The following PNPLA7 variants were observed in gnomAD, a reference collection of about 807,000 sequenced individuals.
The protein encoded by PNPLA7 is patatin like domain 7, lysophospholipase.
In PNPLA7, 153 loss-of-function variants were observed where a neutral mutation model predicts 161.7. That is an observed-to-expected ratio of 0.95 (90% CI 0.83 to 1.08). The LOEUF is 1.08. PNPLA7 is among the 50% of genes least tolerant of loss of function. PNPLA7 has a pLI of 0.00. For synonymous variants in PNPLA7, 809 were observed against 782.1 expected, an observed-to-expected ratio of 1.03 and a Z score of -0.57; for missense variants, 1,739 against 1,856.6, an observed-to-expected ratio of 0.94 and a Z score of 1.16.
intron 12 of PNPLA7, among the ~76,000 whole-genome samples, chr9:137,511,914 C>G (rs1588646317): frequency 6.6e-6 from 1 of 152,190 alleles, no homozygotes; most frequent in Non-Finnish European, 1.5e-5. Flanking sequence ...CCCCCTGTCA[C>G]GTGGACAGGT....
chr9:137,510,329 C>A (rs1414385879), intron 12 of PNPLA7, among the ~76,000 whole-genome samples: 1 of 152,198 alleles, frequency 6.6e-6, no homozygotes, highest in Non-Finnish European at 1.5e-5. Context: ...TCAGTGGTCA[C>A]GCTCCTAGTC....
intron 24 of PNPLA7, 46 bp from the exon 25 acceptor site, chr9:137,478,198 C>T (rs1455249472): frequency 1.1e-5 from 14 of 1,236,544 alleles, no homozygotes; most frequent in South Asian, 3.2e-5. Flanking sequence ...GCCCCACCCT[C>T]GGCCGAGACC....
At chr9:137,530,020 A>C (rs1253645893) in intron 8 of PNPLA7, among the ~76,000 whole-genome samples, 1 of 151,100 alleles carries the variant, frequency 6.6e-6, no homozygotes, top group African/African-American at 2.4e-5. Flanking sequence ...GCTGTGGTGC[A>C]GTGGCATGAT....
At chr9:137,503,835 GCAA>G (rs749096760) in intron 14 of PNPLA7, among the ~76,000 whole-genome samples, 11 of 10,044 alleles carry the variant, frequency 1.1e-3, no homozygotes, top group East Asian at 2.9e-3. Flanking sequence ...GAAGAAAGAA[GCAA>G]GAAGAAGAAG....
Position 137,541,367 on chromosome 9 carries a change from C to T in PNPLA7, c.667-645G>A. 2.1e-6 allele frequency: 2 copies of T among 963,460 alleles called. No individual in the cohort carries two copies. The highest frequency in any genetic ancestry group is 2.5e-6 in the Non-Finnish European group (2 of 809,938). The allele number at this position is 963,460 out of a possible 1,614,324, so 59.7% of individuals were successfully genotyped here. On this transcript the variant is annotated intron_variant, in intron 7 of 34. Transcript: ENST00000406427. This position sits in a 1 kb window ranked among gnomAD's most constrained non-coding sequence, Gnocchi z 4.4. ...ACTGGCTCCAGCTTCCCCCAAGCCC[C>T]TTTCCCTTCTAATAACCCATCAAGT... is the stretch of plus-strand genomic sequence containing the variant.
intron 10 of PNPLA7, 125 bp downstream of exon 10, chr9:137,521,511 G>A (rs1413127568): frequency 2.3e-6 from 2 of 876,254 alleles, no homozygotes; most frequent in Admixed American, 2.6e-5. Flanking sequence ...CCAGCAACTG[G>A]GAAGACCACA....
chr9:137,534,669 G>C (rs867224230), intron 8 of PNPLA7, among the ~76,000 whole-genome samples: 6 of 152,222 alleles, frequency 3.9e-5, no homozygotes, highest in Non-Finnish European at 8.8e-5. Context: ...CCCTGTTAAC[G>C]AGCCCTGACC....
At position 137,462,262 on chromosome 9, in the gene PNPLA7, TCAC is replaced by T. The variant is rs1831248956; in HGVS notation, c.3559_3561del (p.Val1187del). 6.2e-7 allele frequency: 1 copy of T among 1,611,808 alleles called. No individual in the cohort carries two copies. The highest frequency in any genetic ancestry group is 1.1e-5 in the South Asian group (1 of 90,974). On this transcript the variant is annotated inframe_deletion, in exon 31 of 35. Coordinates refer to ENST00000406427, the MANE Select transcript of PNPLA7 (RefSeq NM_001098537.3). ...AGGTACTCGCAGTAGTCACTGCTCT[TCAC>T]CACCTCCAGCTGCCGCACGCAACAC...
chr9:137,507,253 G>T (rs907799845), intron 12 of PNPLA7, among the ~76,000 whole-genome samples: 5 of 152,236 alleles, frequency 3.3e-5, no homozygotes, highest in Admixed American at 3.3e-4. Flanking sequence ...GGCAACAAAG[G>T]TCACCAGTGC....
chr9:137,461,288 T>G, intron 33 of PNPLA7: 1 of 473,788 alleles, frequency 2.1e-6, no homozygotes, highest in Admixed American at 3.5e-5. Flanking sequence ...AGGCCTGAGG[T>G]GTGGCTGGGA....
chr9:137,522,523 G>A (rs528908551), intron 9 of PNPLA7, among the ~76,000 whole-genome samples: 6 of 152,314 alleles, frequency 3.9e-5, no homozygotes, highest in South Asian at 2.1e-4. Flanking sequence ...CATTATTCCC[G>A]AACCCACTCA....
Position 137,486,011 on chromosome 9 carries a change from C to G in PNPLA7, c.2198-1275G>C, listed in dbSNP as rs980230603. ...CCTGAGGCCACCGCGCCACCAGCCA[C>G]GCTCCTGCCCACGAGGGTCTCCTGC... On this transcript the variant is annotated intron_variant, in intron 20 of 34. Coordinates refer to ENST00000406427, the MANE Select transcript of PNPLA7 (RefSeq NM_001098537.3). This position sits in a 1 kb window ranked among gnomAD's most constrained non-coding sequence, Gnocchi z 6.0. Among the ~76,000 whole-genome samples, 1 of 152,006 alleles carries G rather than the reference C, an allele frequency of 6.6e-6. No homozygotes were observed.
intron 19 of PNPLA7, 56 bp downstream of exon 19, chr9:137,494,977 C>T (rs1239892268): frequency 1.4e-6 from 2 of 1,464,150 alleles, no homozygotes; most frequent in African/African-American, 1.4e-5. Context: ...CTGTTCCATG[C>T]CCTCATCCAC....
intron 25 of PNPLA7, among the ~76,000 whole-genome samples, chr9:137,471,734 C>T (rs1443658435): frequency 6.6e-6 from 1 of 151,892 alleles, no homozygotes; most frequent in African/African-American, 2.4e-5. Context: ...CTACAGAAGG[C>T]CTAAGTACAT....
intron 25 of PNPLA7, among the ~76,000 whole-genome samples, chr9:137,469,840 A>G (rs1831634403): frequency 6.6e-6 from 1 of 152,180 alleles, no homozygotes; most frequent in African/African-American, 2.4e-5. Flanking sequence ...ATGAACAGGA[A>G]AGAAAATGGG....
intron 9 of PNPLA7, 44 bp from the exon 10 acceptor site, chr9:137,521,760 A>C (rs766835105): frequency 6.4e-7 from 1 of 1,562,092 alleles, no homozygotes; most frequent in Non-Finnish European, 8.7e-7. Context: ...GGCCTGGGGT[A>C]CAGGGCGGGC....
At chr9:137,498,337 A>G in intron 16 of PNPLA7, 92 bp from the exon 17 acceptor site, 1 of 1,526,596 alleles carries the variant, frequency 6.6e-7, no homozygotes. Context: ...GGGACCCACA[A>G]CCCCCACCCC....
At chr9:137,544,316 G>A (rs1267619792) in intron 4 of PNPLA7, among the ~76,000 whole-genome samples, 4 of 152,146 alleles carry the variant, frequency 2.6e-5, no homozygotes, top group Non-Finnish European at 5.9e-5. Context: ...GTCACACCCT[G>A]CATGCTGGCA....
Position 137,466,712 on chromosome 9 carries a change from C to A in PNPLA7, c.3039+605G>T, listed in dbSNP as rs530990246. 2.6e-3 allele frequency among the ~76,000 whole-genome samples: 379 copies of A among 145,678 alleles called. 7 individuals carry two copies. The highest frequency in any genetic ancestry group is 2.1e-3 in the East Asian group (10 of 4,718). ...ATCTCCATCACCTCAGACCCGGGCA[C>A]GGATCTGACCACCTCCCACCACCAT... On this transcript the variant is annotated intron_variant, in intron 26 of 34. Transcript: ENST00000406427.
Sources: allele counts gnomAD v4.1 joint callset (sites outside exome capture counted in the v4.1 genomes callset), GRCh38; gene constraint gnomAD v4.1.1; non-coding constraint Gnocchi (gnomAD v3.1); transcripts MANE v1.5; gene names NCBI Gene and HGNC (gene_info 2026-07-23, HGNC 2026-07-21).